The following RBKS variants were observed in gnomAD, a reference collection of about 807,000 sequenced individuals.
RBKS encodes ribokinase.
RBKS carries 33 observed loss-of-function variants against 33.9 expected under a neutral mutation model. The observed-to-expected ratio is 0.97, with a 90% CI of 0.74 to 1.30. The LOEUF (loss-of-function observed/expected upper bound fraction) is 1.30. RBKS is among the 50% of genes most tolerant of loss of function. RBKS has a pLI of 0.00. For synonymous variants in RBKS, 125 were observed against 143.0 expected, an observed-to-expected ratio of 0.87 and a Z score of 0.90; for missense variants, 361 against 392.6, an observed-to-expected ratio of 0.92 and a Z score of 0.68.
intron 7 of RBKS, among the ~76,000 whole-genome samples, chr2:27,821,641 C>T (rs1003863700): frequency 6.6e-6 from 1 of 152,104 alleles, no homozygotes; most frequent in Non-Finnish European, 1.5e-5. Flanking sequence ...GTAGGAAAAG[C>T]CCCAATAAAG....
At chr2:27,801,963 A>AATATATATAT (rs869036134) in intron 7 of RBKS, among the ~76,000 whole-genome samples, 1 of 47,620 alleles carries the variant, frequency 2.1e-5, no homozygotes, top group African/African-American at 8.1e-5. Flanking sequence ...AAAAAAAAAA[A>AATATATATAT]ATATATATAT....
intron 4 of RBKS, among the ~76,000 whole-genome samples, chr2:27,846,076 T>C (rs905673562): frequency 2.0e-5 from 3 of 152,120 alleles, no homozygotes; most frequent in Admixed American, 2.0e-4. Context: ...GCGATTCTCC[T>C]GCCTCAGCCT....
At chr2:27,809,852 C>A in intron 7 of RBKS, 1 of 1,082,544 alleles carries the variant, frequency 9.2e-7, no homozygotes, top group Non-Finnish European at 1.2e-6. Context: ...CCACAGGTTC[C>A]ACTTCTGCTG....
At position 27,781,545 on chromosome 2, in the gene RBKS, C is replaced by G. The variant is rs1462504982; in HGVS notation, c.*70G>C. On this transcript the variant is annotated 3_prime_UTR_variant, in exon 8 of 8. Transcript: ENST00000302188. Reference sequence around the variant, plus strand: ...GGGGACGAGGACATTTTCTAATAAGCATTAGCCAGGAGCAGCCACCCCCAA... The same window carrying G: ...GGGGACGAGGACATTTTCTAATAAGGATTAGCCAGGAGCAGCCACCCCCAA... 2.4e-6 allele frequency: 3 copies of G among 1,228,688 alleles called. No homozygotes were observed. The highest frequency in any genetic ancestry group is 2.4e-5 in the Admixed American group (1 of 41,284). 76.1% of individuals were successfully genotyped at this position (1,228,688 alleles called of 1,614,324 possible).
At chr2:27,825,101 C>T (rs1407481603) in intron 7 of RBKS, among the ~76,000 whole-genome samples, 1 of 151,588 alleles carries the variant, frequency 6.6e-6, no homozygotes, top group Non-Finnish European at 1.5e-5. Context: ...GGAGCCACTG[C>T]ACTCCAGCCT....
At chr2:27,884,351 G>A (rs1664481383) in intron 1 of RBKS, among the ~76,000 whole-genome samples, 1 of 151,936 alleles carries the variant, frequency 6.6e-6, no homozygotes, top group Admixed American at 6.5e-5. Flanking sequence ...GGTCTCCAGC[G>A]ATCCTCCCAC....
At chr2:27,888,534 T>C (rs1373254212) in intron 1 of RBKS, among the ~76,000 whole-genome samples, 2 of 152,266 alleles carry the variant, frequency 1.3e-5, no homozygotes, top group Non-Finnish European at 2.9e-5. Flanking sequence ...GGTTTATTCC[T>C]TTATGTAACT....
At chr2:27,796,359 T>G (rs1396753548) in intron 7 of RBKS, among the ~76,000 whole-genome samples, 2 of 152,158 alleles carry the variant, frequency 1.3e-5, no homozygotes, top group Non-Finnish European at 2.9e-5. Flanking sequence ...AACATGATGG[T>G]TTTAACCTTT....
rs1677374608 is a variant in RBKS at position 27,785,243 on chromosome 2, T to C, written c.796-3455A>G. The stretch of plus-strand genomic sequence containing the variant: ...TAATTTTATAAACATATTTTAAAAA[T>C]TATATGTCCAAAGATACTATAAATA... On this transcript the variant is annotated intron_variant, in intron 7 of 7. Transcript: ENST00000302188. Among the ~76,000 whole-genome samples, 3 of 152,156 alleles carry C rather than the reference T, an allele frequency of 2.0e-5. No individual in the cohort carries two copies. The South Asian group carries it at 6.2e-4, about 32-fold the overall frequency.
At chr2:27,811,817 G>T (rs1160512829) in intron 7 of RBKS, among the ~76,000 whole-genome samples, 1 of 152,106 alleles carries the variant, frequency 6.6e-6, no homozygotes, top group Non-Finnish European at 1.5e-5. Flanking sequence ...GTAATCATGG[G>T]GCTTGGGTTT....
chr2:27,845,117 G>A (rs1663598724), intron 4 of RBKS, among the ~76,000 whole-genome samples: 1 of 152,166 alleles, frequency 6.6e-6, no homozygotes. Context: ...CTTTTCTTCA[G>A]TGACCTCATT....
At chr2:27,887,652 T>C (rs1226211528) in intron 1 of RBKS, among the ~76,000 whole-genome samples, 3 of 152,174 alleles carry the variant, frequency 2.0e-5, no homozygotes, top group African/African-American at 7.2e-5. Context: ...ATACAGTTTT[T>C]ACTAATGATT....
intron 7 of RBKS, among the ~76,000 whole-genome samples, chr2:27,790,294 T>C (rs1677498186): frequency 6.6e-6 from 1 of 152,072 alleles, no homozygotes; most frequent in African/African-American, 2.4e-5. Flanking sequence ...CCTCACACCA[T>C]AGACAACAAT....
chr2:27,860,415 T>C (rs574333158), intron 1 of RBKS, among the ~76,000 whole-genome samples: 1 of 152,190 alleles, frequency 6.6e-6, no homozygotes, highest in Non-Finnish European at 1.5e-5. Context: ...AGAAAAAATA[T>C]ACCATGTGGC....
intron 7 of RBKS, among the ~76,000 whole-genome samples, chr2:27,792,986 T>C (rs554426933): frequency 2.0e-5 from 3 of 152,292 alleles, no homozygotes; most frequent in South Asian, 4.1e-4. Flanking sequence ...ATAGATTAAA[T>C]GGCCAAACCC....
intron 1 of RBKS, among the ~76,000 whole-genome samples, chr2:27,885,232 C>A (rs1664505615): frequency 6.6e-6 from 1 of 152,156 alleles, no homozygotes; most frequent in Non-Finnish European, 1.5e-5. Flanking sequence ...TGCTTTCTCT[C>A]CACTTCACTG....
intron 1 of RBKS, among the ~76,000 whole-genome samples, chr2:27,868,622 T>C (rs1664145156): frequency 6.6e-6 from 1 of 152,198 alleles, no homozygotes; most frequent in Non-Finnish European, 1.5e-5. Context: ...CAACCTATAT[T>C]TCATCCCTTT....
At chr2:27,782,645 G>A in intron 7 of RBKS, 1 of 465,458 alleles carries the variant, frequency 2.1e-6, no homozygotes, top group Non-Finnish European at 4.5e-6. Context: ...GGGCACATAT[G>A]ATCAACATGA....
chr2:27,830,543 C>A (rs895298124), intron 6 of RBKS, among the ~76,000 whole-genome samples: 1 of 152,126 alleles, frequency 6.6e-6, no homozygotes, highest in Non-Finnish European at 1.5e-5. Flanking sequence ...GGATTACAGG[C>A]GTTAGCCACC....
Sources: allele counts gnomAD v4.1 joint callset (sites outside exome capture counted in the v4.1 genomes callset), GRCh38; gene constraint gnomAD v4.1.1; transcripts MANE v1.5; gene names NCBI Gene and HGNC (gene_info 2026-07-23, HGNC 2026-07-21).